The following DHX33 variants were observed in gnomAD, a reference collection of about 807,000 sequenced individuals.
DHX33 encodes ATP-dependent RNA helicase DHX33.
A neutral mutation model predicts 72.5 loss-of-function variants in DHX33; 42 were observed. That is an observed-to-expected ratio of 0.58 (90% CI 0.45 to 0.75). The LOEUF is 0.75. Ranked by LOEUF, DHX33 falls within the 30% of genes least tolerant of loss-of-function variation. DHX33 has a pLI of 0.00. For missense variants in DHX33, 842 were observed against 917.5 expected, an observed-to-expected ratio of 0.92 and a Z score of 1.06; for synonymous variants, 358 against 366.1, an observed-to-expected ratio of 0.98 and a Z score of 0.25.
intron 1 of DHX33, among the ~76,000 whole-genome samples, chr17:5,466,974 A>T (rs1172810184): frequency 3.9e-5 from 6 of 152,244 alleles, no homozygotes; most frequent in Non-Finnish European, 8.8e-5. Context: ...AAGAATGCAC[A>T]TTTTTACCTA....
At chr17:5,453,559 A>C in intron 8 of DHX33, 21 bp downstream of exon 8, 1 of 1,611,100 alleles carries the variant, frequency 6.2e-7, no homozygotes, top group Admixed American at 1.7e-5. Context: ...CACCTTCTGC[A>C]AAACTGTGGA....
Position 5,455,261 on chromosome 17 carries a change from T to C in DHX33, c.1046A>G (p.Lys349Arg), listed in dbSNP as rs756030176. 6.2e-7 allele frequency: 1 copy of C among 1,614,172 alleles called. No individual in the cohort carries two copies. Among genetic ancestry groups the C allele is most frequent in the Admixed American group, 1.7e-5 (1 of 60,018 alleles). The change falls in exon 6 of 12, where the codon AAA (lysine) becomes AGA (arginine). Residue 349 changes from lysine to arginine, a missense_variant. By Grantham distance (26) the Lys-to-Arg change is conservative. Transcript: ENST00000225296. ...AGCGATGTTGGTTGAAATGATCACTTTGCGATAGCCCTAAAAGGAGGAAGA... is the reference window on the plus strand; with the variant it reads ...AGCGATGTTGGTTGAAATGATCACTCTGCGATAGCCCTAAAAGGAGGAAGA... ...VFQGAPKGYR[K>R]VIISTNIAET...
At chr17:5,452,802 A>G (rs1917003772) in intron 8 of DHX33, among the ~76,000 whole-genome samples, 1 of 152,242 alleles carries the variant, frequency 6.6e-6, no homozygotes, top group Non-Finnish European at 1.5e-5. Flanking sequence ...GAAGTCTACT[A>G]GAAAATGGTT....
Position 5,450,946 on chromosome 17 carries a change from G to A in DHX33, c.1397-12C>T, listed in dbSNP as rs1916878193. ...CGCCTGAATGTGATCTAAAGAAACAGAGACATAAAAAGGAGCCAAAAGTCC... is the reference window on the plus strand; with the variant it reads ...CGCCTGAATGTGATCTAAAGAAACAAAGACATAAAAAGGAGCCAAAAGTCC... On this transcript the variant is annotated splice_polypyrimidine_tract_variant and intron_variant, in intron 8 of 11. Coordinates refer to ENST00000225296, the MANE Select transcript of DHX33 (RefSeq NM_020162.4). 1 of 1,610,758 alleles carries A rather than the reference G, an allele frequency of 6.2e-7. No homozygotes were observed. Among genetic ancestry groups the A allele is most frequent in the African/African-American group, 1.3e-5 (1 of 74,696 alleles).
intron 4 of DHX33, among the ~76,000 whole-genome samples, chr17:5,460,121 TC>T (rs1904515922): frequency 2.0e-5 from 3 of 151,648 alleles, no homozygotes; most frequent in South Asian, 4.2e-4. Flanking sequence ...TTCGCGCCAT[TC>T]TCTTGCCTCA....
Position 5,454,543 on chromosome 17 carries a change from C to G in DHX33, c.1148-563G>C, listed in dbSNP as rs138841564. ...ATTAGCCTGGCACTGGAGACCCAAG[C>G]TCTTTCACCTACGTCATCACAAAAA... On this transcript the variant is annotated intron_variant, in intron 6 of 11. Coordinates refer to ENST00000225296, the MANE Select transcript of DHX33 (RefSeq NM_020162.4). Among the ~76,000 whole-genome samples, 513 of 152,300 alleles carry G rather than the reference C, an allele frequency of 3.4e-3. 1 individual carries two copies. Among genetic ancestry groups the G allele is most frequent in the African/African-American group, 0.012 (486 of 41,550 alleles).
At position 5,468,965 on chromosome 17, in the gene DHX33, CG is replaced by C; in HGVS notation, c.-107del. ...CCCCTTCCTCGCCGCCACGTGCTGG[CG>C]GCTCCCGGCGACCACCGATGACCTC... is the stretch of plus-strand genomic sequence containing the variant. On this transcript the variant is annotated 5_prime_UTR_variant, in exon 1 of 12. Coordinates refer to ENST00000225296, the MANE Select transcript of DHX33 (RefSeq NM_020162.4). 1 of 748,266 alleles carries C rather than the reference CG, an allele frequency of 1.3e-6. No individual in the cohort carries two copies. The highest frequency in any genetic ancestry group is 2.8e-5 in the Admixed American group (1 of 35,424). 46.4% of individuals were successfully genotyped at this position (748,266 alleles called of 1,614,324 possible).
intron 1 of DHX33, 54 bp downstream of exon 1, chr17:5,468,517 C>G: frequency 6.4e-7 from 1 of 1,564,684 alleles, no homozygotes; most frequent in Non-Finnish European, 8.7e-7. Flanking sequence ...AAAAACTGCT[C>G]TAGCTAAGCC....
intron 3 of DHX33, 136 bp from the exon 4 acceptor site, chr17:5,461,245 C>T: frequency 1.2e-6 from 1 of 813,138 alleles, no homozygotes; most frequent in Non-Finnish European, 1.8e-6. Flanking sequence ...AGGCTCTGAG[C>T]AGAACAGGCA....
In DHX33 at chr17:5,450,214, C is replaced by G. The variant is rs975765111; in HGVS notation, c.1717G>C (p.Gly573Arg). 5.0e-6 allele frequency: 8 copies of G among 1,614,084 alleles called. No individual in the cohort carries two copies. In the Admixed American group the frequency reaches 1.0e-4, roughly 20 times the overall value. Residue 573 changes from glycine to arginine, a missense_variant, in exon 10 of 12, where the codon GGC becomes CGC. Physicochemically the swap from Gly to Arg is moderately radical, Grantham distance 125. Transcript: ENST00000225296. ...AAGACAAGGCTCACCTTATTTCCGC[C>G]TAGGTTTTTGAAGGTCCGATAGATA... ...LNIYRTFKNL[G>R]GNKDWCKENF...
At chr17:5,459,923 A>G (rs145466475) in intron 4 of DHX33, among the ~76,000 whole-genome samples, 1,516 of 147,164 alleles carry the variant, frequency 0.01, 28 homozygotes, top group African/African-American at 0.037. Flanking sequence ...TTGGGATTAC[A>G]GGTGTGAGCC....
chr17:5,444,262 C>G lies in DHX33; in HGVS notation c.2067G>C (p.Trp689Cys). Residue 689 changes from tryptophan (W) to cysteine (C), a missense_variant, in exon 12 of 12, where the codon TGG becomes TGC. Trp to Cys is a radical substitution (Grantham distance 215). Transcript: ENST00000225296. The surrounding 1 kb of genome is among the most constrained non-coding windows in gnomAD (Gnocchi z 4.9). ...AGTACTCAGGGGCAGCCTCGTACAG[C>G]CACTGTGCATCTATGACGCAGAGGT... Reference protein sequence around the residue: ...MRDLCVIDAQWLYEAAPEYFR... With the variant: ...MRDLCVIDAQCLYEAAPEYFR... 1 of 1,614,240 alleles carries G rather than the reference C, an allele frequency of 6.2e-7. No homozygotes were observed. The highest frequency in any genetic ancestry group is 8.5e-7 in the Non-Finnish European group (1 of 1,180,044).
intron 2 of DHX33, among the ~76,000 whole-genome samples, chr17:5,463,321 C>T (rs1055283470): frequency 1.3e-5 from 2 of 152,170 alleles, no homozygotes; most frequent in Non-Finnish European, 2.9e-5. Flanking sequence ...ACTAATTTAT[C>T]CAACCTGACG....
chr17:5,451,205 C>G (rs1200575315), intron 8 of DHX33, among the ~76,000 whole-genome samples: 5 of 152,096 alleles, frequency 3.3e-5, no homozygotes, highest in Non-Finnish European at 4.4e-5. Context: ...TCCTGGGTTC[C>G]AGCGATTCTC....
Position 5,453,900 on chromosome 17 carries a change from CCT to C in DHX33, c.1226_1227del (p.Glu409GlyfsTer15), listed in dbSNP as rs1917069139. 6.2e-7 allele frequency: 1 copy of C among 1,605,622 alleles called. No individual in the cohort carries two copies. The highest frequency in any genetic ancestry group is 1.4e-5 in the African/African-American group (1 of 72,194). The stretch of plus-strand genomic sequence containing the variant: ...TAGAGCCGGTAGCAGATGCCACTGT[CCT>C]CTCTGCCAGCCCTCCCTGTGCGCTG... The part of the protein sequence containing the change: ...AWQRTGRAGR[E>X]DSGICYRLYT... On this transcript the variant is annotated frameshift_variant, in exon 7 of 12. Transcript: ENST00000225296. LOFTEE classifies it high-confidence loss of function.
Position 5,442,736 on chromosome 17 carries a change from T to C in DHX33, c.*1469A>G, listed in dbSNP as rs1377135863. On this transcript the variant is annotated 3_prime_UTR_variant, in exon 12 of 12. Coordinates refer to ENST00000225296, the MANE Select transcript of DHX33 (RefSeq NM_020162.4). The stretch of plus-strand genomic sequence containing the variant: ...TAACTATGATTCATTCATTAAGAAA[T>C]GACAAAACACCCCACAGATGTATTT... 6.6e-6 allele frequency: 1 copy of C among 152,142 alleles called. No individual in the cohort carries two copies. Among genetic ancestry groups the C allele is most frequent in the African/African-American group, 2.4e-5 (1 of 41,422 alleles). The allele number at this position is 152,142 out of a possible 1,614,324, so 9.4% of individuals were successfully genotyped here.
chr17:5,463,836 C>G (rs537666471), intron 1 of DHX33, 147 bp from the exon 2 acceptor site: 229 of 669,886 alleles, frequency 3.4e-4, no homozygotes, highest in Non-Finnish European at 3.2e-4. Flanking sequence ...GCCTGGGCAA[C>G]ATAGCAAGAC....
intron 2 of DHX33, 130 bp downstream of exon 2, chr17:5,463,399 T>C (rs1904730697): frequency 1.0e-6 from 1 of 975,136 alleles, no homozygotes; most frequent in Non-Finnish European, 1.5e-6. Context: ...GGTAAAGAAC[T>C]CTCGGAAGAA....
At chr17:5,466,956 G>A (rs1426499082) in intron 1 of DHX33, among the ~76,000 whole-genome samples, 1 of 152,250 alleles carries the variant, frequency 6.6e-6, no homozygotes, top group Non-Finnish European at 1.5e-5. Context: ...AAGATTATCA[G>A]GAGGGATAAG....
Sources: gnomAD v4.1 joint callset for allele counts (sites outside exome capture counted in the v4.1 genomes callset) on GRCh38, gnomAD v4.1.1 for gene constraint, Gnocchi (gnomAD v3.1) non-coding constraint, MANE v1.5 for transcripts, NCBI Gene and HGNC (gene_info 2026-07-23, HGNC 2026-07-21) for gene names.